Variants in RNGTT observed in about 807,000 individuals in gnomAD.
RNGTT encodes mRNA-capping enzyme.
Under a neutral mutation model 79.3 loss-of-function variants are expected in RNGTT, and 33 were observed. That is an observed-to-expected ratio of 0.42 (90% CI 0.32 to 0.56). The LOEUF is 0.56. RNGTT is among the 20% of genes least tolerant of loss of function. RNGTT has a pLI of 0.17. For missense variants in RNGTT, 497 were observed against 739.1 expected (o/e 0.67, Z 3.80); for synonymous variants, 222 against 235.9 (o/e 0.94, Z 0.54).
At chr6:88,835,005 T>C (rs1339396722) in intron 11 of RNGTT, among the ~76,000 whole-genome samples, 2 of 152,152 alleles carry the variant, frequency 1.3e-5, no homozygotes, top group East Asian at 1.9e-4. Context: ...TCAACAGTTA[T>C]TAGAAAGGAG....
At chr6:88,844,044 A>G (rs1382208803) in intron 11 of RNGTT, among the ~76,000 whole-genome samples, 1 of 151,816 alleles carries the variant, frequency 6.6e-6, no homozygotes, top group East Asian at 1.9e-4. Context: ...GAGCAGGCCT[A>G]ATGATTTTCA....
At position 88,647,988 on chromosome 6, in the gene RNGTT, AAAGGATCTCT is replaced by A. The variant is rs1156380490; in HGVS notation, c.1506+30355_1506+30364del. The stretch of plus-strand genomic sequence containing the variant: ...CAAAGATATAATCAGTCACATTAAG[AAAGGATCTCT>A]ACGTTTGCATTCACTTCCTGTCACA... On this transcript the variant is annotated intron_variant, in intron 14 of 15. Coordinates refer to ENST00000369485, the MANE Select transcript of RNGTT (RefSeq NM_003800.5). 6.6e-5 allele frequency among the ~76,000 whole-genome samples: 10 copies of A among 152,276 alleles called. No individual in the cohort carries two copies. The East Asian group carries it at 1.7e-3, about 26-fold the overall frequency.
At chr6:88,627,946 G>A (rs1483901029) in intron 14 of RNGTT, among the ~76,000 whole-genome samples, 2 of 152,042 alleles carry the variant, frequency 1.3e-5, no homozygotes, top group African/African-American at 4.8e-5. Context: ...CCTTTGATAT[G>A]TCCAATTGGG....
At chr6:88,794,533 G>A (rs1003626423) in intron 12 of RNGTT, among the ~76,000 whole-genome samples, 1 of 151,998 alleles carries the variant, frequency 6.6e-6, no homozygotes, top group Non-Finnish European at 1.5e-5. Flanking sequence ...AGACAATGGA[G>A]GTTTAAAAAG....
intron 2 of RNGTT, among the ~76,000 whole-genome samples, chr6:88,935,761 T>C (rs1478749984): frequency 6.6e-6 from 1 of 152,192 alleles, no homozygotes; most frequent in Non-Finnish European, 1.5e-5. Flanking sequence ...TGTTCTAGTT[T>C]TCCTTGCAGA....
At chr6:88,690,798 C>T (rs1000554664) in intron 13 of RNGTT, among the ~76,000 whole-genome samples, 2 of 152,132 alleles carry the variant, frequency 1.3e-5, no homozygotes, top group Non-Finnish European at 2.9e-5. Flanking sequence ...ATTTATAACA[C>T]ACATTATCTC....
At chr6:88,889,992 C>A (rs1782989819) in intron 8 of RNGTT, among the ~76,000 whole-genome samples, 1 of 152,014 alleles carries the variant, frequency 6.6e-6, no homozygotes, top group Non-Finnish European at 1.5e-5. Context: ...TTAAAAAAAT[C>A]TTAAAACTTA....
At position 88,612,315 on chromosome 6, in the gene RNGTT, T is replaced by C. The variant is rs1040465447; in HGVS notation, c.*404A>G. 1.3e-5 allele frequency: 2 copies of C among 155,226 alleles called. No individual in the cohort carries two copies. The highest frequency in any genetic ancestry group is 1.9e-4 in the East Asian group (1 of 5,248). The allele number at this position is 155,226 out of a possible 1,614,324, so 9.6% of individuals were successfully genotyped here. On this transcript the variant is annotated 3_prime_UTR_variant, in exon 16 of 16. Coordinates refer to ENST00000369485, the MANE Select transcript of RNGTT (RefSeq NM_003800.5). Reference sequence around the variant, plus strand: ...TTTTTAAAAGGAAAATTTGCTACAGTTGTAACACAACTTCTAAAAAATACT... The same window carrying C: ...TTTTTAAAAGGAAAATTTGCTACAGCTGTAACACAACTTCTAAAAAATACT...
At chr6:88,645,221 G>A (rs1031519644) in intron 14 of RNGTT, among the ~76,000 whole-genome samples, 30 of 152,128 alleles carry the variant, frequency 2.0e-4, no homozygotes, top group African/African-American at 6.8e-4. Context: ...CAGACAAACA[G>A]AGAGCCAAAT....
chr6:88,835,136 A>T (rs1781020846), intron 11 of RNGTT, among the ~76,000 whole-genome samples: 1 of 152,170 alleles, frequency 6.6e-6, no homozygotes, highest in Non-Finnish European at 1.5e-5. Flanking sequence ...TAGACAGTAG[A>T]AAGTAAAATG....
intron 14 of RNGTT, among the ~76,000 whole-genome samples, chr6:88,640,443 C>T (rs185592923): frequency 4.2e-4 from 62 of 147,772 alleles, no homozygotes; most frequent in Non-Finnish European, 6.2e-4. Context: ...CCCAGCTACT[C>T]GAGAGGCTAA....
chr6:88,630,864 T>C (rs1423213282), intron 14 of RNGTT, among the ~76,000 whole-genome samples: 1 of 152,228 alleles, frequency 6.6e-6, no homozygotes, highest in Non-Finnish European at 1.5e-5. Flanking sequence ...AGAACAATTA[T>C]GTTAATAATG....
At chr6:88,809,798 C>A (rs773254630) in intron 11 of RNGTT, among the ~76,000 whole-genome samples, 1 of 151,568 alleles carries the variant, frequency 6.6e-6, no homozygotes, top group Admixed American at 6.6e-5. Flanking sequence ...CCTGTAATCC[C>A]AGCACTTTGG....
intron 8 of RNGTT, among the ~76,000 whole-genome samples, chr6:88,867,060 C>T (rs1782198092): frequency 6.6e-6 from 1 of 152,156 alleles, no homozygotes; most frequent in Non-Finnish European, 1.5e-5. Context: ...TGGGCCCCAG[C>T]CTAGACTTTC....
intron 10 of RNGTT, among the ~76,000 whole-genome samples, chr6:88,847,190 T>C (rs1298186914): frequency 2.0e-5 from 3 of 152,190 alleles, no homozygotes; most frequent in Non-Finnish European, 2.9e-5. Context: ...AGTTCTCCTG[T>C]GTTCTTCCCA....
chr6:88,890,845 A>T (rs1783026940), intron 7 of RNGTT, among the ~76,000 whole-genome samples: 1 of 152,228 alleles, frequency 6.6e-6, no homozygotes, highest in Non-Finnish European at 1.5e-5. Flanking sequence ...AGCTAATTTT[A>T]AAATATTAGT....
chr6:88,632,933 C>T (rs1316895482), intron 14 of RNGTT, among the ~76,000 whole-genome samples: 1 of 152,146 alleles, frequency 6.6e-6, no homozygotes, highest in African/African-American at 2.4e-5. Context: ...TGTCTCTTTT[C>T]GAACAATGAC....
In RNGTT at chr6:88,956,823, G is replaced by A. The variant is rs184903087; in HGVS notation, c.64+6523C>T. ...GGAGGCCGAGGTGGGTGAATCATTT[G>A]AGGTCAGGAGTTCAAGACCAGCCTG... On this transcript the variant is annotated intron_variant, in intron 1 of 15. Coordinates refer to ENST00000369485, the MANE Select transcript of RNGTT (RefSeq NM_003800.5). Among the ~76,000 whole-genome samples, 573 of 152,264 alleles carry A rather than the reference G, an allele frequency of 3.8e-3. 13 individuals carry two copies. The highest frequency in any genetic ancestry group is 0.034 in the Admixed American group (521 of 15,304).
At position 88,739,061 on chromosome 6, in the gene RNGTT, T is replaced by TA. The variant is rs1187175149; in HGVS notation, c.1439+30712dup. ...ATGTGATGCAATTATATAAAGAAGA[T>TA]AAAAAAACTTTCTCAAATTTTCACT... On this transcript the variant is annotated intron_variant, in intron 13 of 15. Transcript: ENST00000369485. 3.3e-5 allele frequency among the ~76,000 whole-genome samples: 5 copies of TA among 152,124 alleles called. No homozygotes were observed. The East Asian group carries it at 9.6e-4, about 29-fold the overall frequency.
Sources: allele counts gnomAD v4.1 joint callset (sites outside exome capture counted in the v4.1 genomes callset), GRCh38; gene constraint gnomAD v4.1.1; transcripts MANE v1.5; gene names NCBI Gene and HGNC (gene_info 2026-07-23, HGNC 2026-07-21).